Variants in GPCPD1 observed in about 807,000 individuals in gnomAD.
GPCPD1 encodes the protein glycerophosphocholine phosphodiesterase GPCPD1.
A neutral mutation model predicts 89.2 loss-of-function variants in GPCPD1; 29 were observed. The ratio of observed to expected loss-of-function variants is 0.33; its 90% CI spans 0.24 to 0.44. The LOEUF (loss-of-function observed/expected upper bound fraction) is 0.44. Ranked by LOEUF, GPCPD1 falls within the 20% of genes least tolerant of loss-of-function variation. GPCPD1 has a pLI of 1.00. For synonymous variants in GPCPD1, 258 were observed against 266.3 expected, an observed-to-expected ratio of 0.97 and a Z score of 0.30; for missense variants, 594 against 808.9, an observed-to-expected ratio of 0.73 and a Z score of 3.22.
At chr20:5,573,468 T>A (rs1467805652) in intron 11 of GPCPD1, among the ~76,000 whole-genome samples, 5 of 152,206 alleles carry the variant, frequency 3.3e-5, no homozygotes, top group African/African-American at 1.2e-4. Flanking sequence ...ACTACCTGAA[T>A]AATGTGCTTA....
At position 5,566,736 on chromosome 20, in the gene GPCPD1, T is replaced by C. The variant is rs1271784961; in HGVS notation, c.1264A>G (p.Lys422Glu). The C allele has an allele frequency of 6.4e-7, 1 of 1,567,852 alleles. No homozygotes were observed. Among genetic ancestry groups the C allele is most frequent in the Admixed American group, 1.7e-5 (1 of 59,894 alleles). ...GTGTTTCCATATTGGTACATACCTT[T>C]CCGATCCTTAGATTTCAGTGCAGTC... is the stretch of plus-strand genomic sequence containing the variant. ...HVTALKSKDR[K>E]ESVVQEENSF... Residue 422 changes from lysine to glutamate, a missense_variant, in exon 14 of 20, where the codon AAA (lysine) becomes GAA (glutamate). Physicochemically the swap from Lys to Glu is moderately conservative, Grantham distance 56. Coordinates refer to ENST00000379019, the MANE Select transcript of GPCPD1 (RefSeq NM_019593.5).
At chr20:5,568,319 CAT>C (rs1452579871) in intron 12 of GPCPD1, among the ~76,000 whole-genome samples, 1 of 150,056 alleles carries the variant, frequency 6.7e-6, no homozygotes, top group Non-Finnish European at 1.5e-5. Context: ...CCTGTACATG[CAT>C]AAAGTTTTTC....
chr20:5,584,857 C>T (rs989324465), intron 5 of GPCPD1: 5 of 152,624 alleles, frequency 3.3e-5, no homozygotes, highest in South Asian at 2.1e-4. Flanking sequence ...AACGCTAGCA[C>T]AACCCCTTCT....
At chr20:5,562,567 C>T (rs1986148602) in intron 15 of GPCPD1, among the ~76,000 whole-genome samples, 1 of 152,224 alleles carries the variant, frequency 6.6e-6, no homozygotes, top group Non-Finnish European at 1.5e-5. Flanking sequence ...CAGGCGTGAG[C>T]CACTGTGCCC....
intron 19 of GPCPD1, among the ~76,000 whole-genome samples, chr20:5,555,517 C>CGACA (rs769011799): frequency 5.3e-5 from 8 of 150,910 alleles, no homozygotes; most frequent in Non-Finnish European, 1.5e-5. Flanking sequence ...GCAGCCTGGG[C>CGACA]GACAGAGCGA....
Position 5,545,787 on chromosome 20 carries a change from T to C in GPCPD1, c.*1874A>G, listed in dbSNP as rs1667734378. ...GTCTGTATTGTAGGCAGTGACTGTC[T>C]GCTCTCCCCAGCAACTAAACTGCTC... On this transcript the variant is annotated 3_prime_UTR_variant, in exon 20 of 20. Coordinates refer to ENST00000379019, the MANE Select transcript of GPCPD1 (RefSeq NM_019593.5). The C allele has an allele frequency of 6.6e-6, 1 of 152,250 alleles. No homozygotes were observed. The highest frequency in any genetic ancestry group is 1.5e-5 in the Non-Finnish European group (1 of 68,086). The allele number at this position is 152,250 out of a possible 1,614,324, so 9.4% of individuals were successfully genotyped here.
intron 7 of GPCPD1, 64 bp downstream of exon 7, chr20:5,579,944 G>C: frequency 1.0e-6 from 1 of 1,003,224 alleles, no homozygotes; most frequent in Non-Finnish European, 1.5e-6. Flanking sequence ...AAAACCAATT[G>C]AGTCTGAAAT....
At chr20:5,609,471 C>A (rs776063655) in intron 1 of GPCPD1, among the ~76,000 whole-genome samples, 1 of 152,156 alleles carries the variant, frequency 6.6e-6, no homozygotes, top group Non-Finnish European at 1.5e-5. Flanking sequence ...CAAGTTAATT[C>A]CTTGATCAAC....
intron 19 of GPCPD1, among the ~76,000 whole-genome samples, chr20:5,550,283 C>CAAAAAAAAAAAAAAA (rs11476159): frequency 2.6e-5 from 2 of 76,044 alleles, no homozygotes; most frequent in South Asian, 5.0e-4. Flanking sequence ...TCAAATGAAG[C>CAAAAAAAAAAAAAAA]AAAAAAAAAA....
chr20:5,566,330 T>C (rs1369912932), intron 14 of GPCPD1, among the ~76,000 whole-genome samples: 2 of 152,014 alleles, frequency 1.3e-5, no homozygotes, highest in Non-Finnish European at 1.5e-5. Flanking sequence ...TCTATGGGAG[T>C]AGAAAAGTGA....
chr20:5,584,204 C>CTATATAA, intron 6 of GPCPD1, 77 bp downstream of exon 6: 1 of 750,844 alleles, frequency 1.3e-6, no homozygotes, highest in Non-Finnish European at 2.3e-6. Flanking sequence ...TTTTCCTGTG[C>CTATATAA]TATATAACTC....
At chr20:5,583,060 C>T (rs1003288581) in intron 6 of GPCPD1, among the ~76,000 whole-genome samples, 1 of 151,530 alleles carries the variant, frequency 6.6e-6, no homozygotes, top group African/African-American at 2.4e-5. Flanking sequence ...CATGGAGAAA[C>T]CCCGTCTCTA....
intron 16 of GPCPD1, 98 bp from the exon 17 acceptor site, chr20:5,560,174 T>G: frequency 1.4e-6 from 1 of 714,062 alleles, no homozygotes; most frequent in Non-Finnish European, 2.2e-6. Flanking sequence ...AAAAAACCCC[T>G]GACAGTATCT....
At position 5,549,043 on chromosome 20, in the gene GPCPD1, T is replaced by C. The variant is rs78622606; in HGVS notation, c.1830-1193A>G. On this transcript the variant is annotated intron_variant, in intron 19 of 19. Coordinates refer to ENST00000379019, the MANE Select transcript of GPCPD1 (RefSeq NM_019593.5). The stretch of plus-strand genomic sequence containing the variant: ...TCTCTAAGTTTGATCCTGTTGACTT[T>C]TGGGCTCTGTACAACCATATCCAGT... 2.5e-3 allele frequency: 1,626 copies of C among 657,898 alleles called. 23 individuals carry two copies. In the African/African-American group the frequency reaches 0.026, roughly 11 times the overall value. The allele number at this position is 657,898 out of a possible 1,614,324, so 40.8% of individuals were successfully genotyped here.
intron 3 of GPCPD1, among the ~76,000 whole-genome samples, chr20:5,594,844 T>C (rs1979595813): frequency 6.6e-6 from 1 of 152,240 alleles, no homozygotes; most frequent in Admixed American, 6.5e-5. Context: ...GTCGAGCAAG[T>C]CTATCAGTGC....
intron 8 of GPCPD1, among the ~76,000 whole-genome samples, chr20:5,577,417 G>A (rs1350229552): frequency 1.3e-5 from 2 of 149,870 alleles, no homozygotes; most frequent in Admixed American, 6.7e-5. Flanking sequence ...GCACCCAGGA[G>A]ATTGAGGCTG....
intron 1 of GPCPD1, among the ~76,000 whole-genome samples, chr20:5,610,284 T>C (rs1980874763): frequency 6.6e-6 from 1 of 152,208 alleles, no homozygotes; most frequent in African/African-American, 2.4e-5. Context: ...TGACTATTCC[T>C]GGAACCTTTT....
chr20:5,552,166 A>C, intron 19 of GPCPD1, among the ~76,000 whole-genome samples: 1 of 147,240 alleles, frequency 6.8e-6, no homozygotes, highest in East Asian at 2.0e-4. Context: ...TTTTTTGAAT[A>C]AAATTAAAAA....
At chr20:5,557,252 C>T (rs190516470) in intron 19 of GPCPD1, among the ~76,000 whole-genome samples, 1 of 152,276 alleles carries the variant, frequency 6.6e-6, no homozygotes, top group Non-Finnish European at 1.5e-5. Flanking sequence ...AAAAGCTTCC[C>T]TCTCACTACT....
Sources: allele counts gnomAD v4.1 joint callset (sites outside exome capture counted in the v4.1 genomes callset), GRCh38; gene constraint gnomAD v4.1.1; transcripts MANE v1.5; gene names NCBI Gene and HGNC (gene_info 2026-07-23, HGNC 2026-07-21).